CFAP92: variants seen among roughly 807,000 people sequenced by gnomAD.
CFAP92 encodes cilia and flagella associated protein 92 (putative), also known as uncharacterized protein CFAP92.
CFAP92 carries 86 observed loss-of-function variants against 106.3 expected under a neutral mutation model. The observed-to-expected ratio is 0.81, with a 90% CI of 0.68 to 0.97. The LOEUF is 0.97. Ranked by LOEUF, CFAP92 falls within the 50% of genes least tolerant of loss-of-function variation. The pLI is 0.00. For synonymous variants in CFAP92, 477 were observed against 506.4 expected, an observed-to-expected ratio of 0.94 and a Z score of 0.78; for missense variants, 1,204 against 1,283.8, an observed-to-expected ratio of 0.94 and a Z score of 0.95.
In CFAP92 at chr3:128,953,547, G is replaced by A. The variant is rs1215538509; in HGVS notation, c.1354-7572C>T. Among the ~76,000 whole-genome samples the A allele has an allele frequency of 5.8e-5, 8 of 138,830 alleles. No homozygotes were observed. In the East Asian group the frequency reaches 8.7e-4, roughly 15 times the overall value. The allele number at this position is 138,830 out of a possible 152,430, so 91.1% of individuals were successfully genotyped here. ...TAAAAAGAAAGAGGGATAATCACTCGCTTAAGAAGCAGCAACACGGTCTCC... is the reference window on the plus strand; with the variant it reads ...TAAAAAGAAAGAGGGATAATCACTCACTTAAGAAGCAGCAACACGGTCTCC... On this transcript the variant is annotated intron_variant, in intron 9 of 15. Transcript: ENST00000645291.
At chr3:128,946,221 T>G (rs1453924476) in intron 9 of CFAP92, among the ~76,000 whole-genome samples, 2 of 151,970 alleles carry the variant, frequency 1.3e-5, no homozygotes, top group Admixed American at 6.6e-5. Flanking sequence ...CATTCGTTAC[T>G]TATTTTCCTC....
At chr3:128,957,734 A>G (rs1941551665) in intron 9 of CFAP92, among the ~76,000 whole-genome samples, 1 of 152,232 alleles carries the variant, frequency 6.6e-6, no homozygotes, top group African/African-American at 2.4e-5. Context: ...ATGCAAGGCC[A>G]TTATCCTGGA....
chr3:128,978,501 G>A (rs1009301756), intron 4 of CFAP92, among the ~76,000 whole-genome samples: 48 of 152,210 alleles, frequency 3.2e-4, no homozygotes, highest in African/African-American at 1.1e-3. Flanking sequence ...GCTGAATTGG[G>A]AGGACTGCCT....
chr3:128,919,247 AT>A (rs199873384), intron 12 of CFAP92, among the ~76,000 whole-genome samples: 1 of 151,348 alleles, frequency 6.6e-6, no homozygotes, highest in Non-Finnish European at 1.5e-5. Context: ...CCCAGCCTGG[AT>A]TTTTTTTTCA....
rs1943935425 is a variant in CFAP92 at position 128,987,560 on chromosome 3, GTTAC to G, written c.667+52_667+55del. The G allele has an allele frequency of 6.1e-6, 9 of 1,473,110 alleles. No individual in the cohort carries two copies. The African/African-American group carries it at 8.4e-5, about 14-fold the overall frequency. The allele number at this position is 1,473,110 out of a possible 1,614,324, so 91.3% of individuals were successfully genotyped here. The stretch of plus-strand genomic sequence containing the variant: ...ACCAGGAGACACTGGCTTTTATGCT[GTTAC>G]TAGTGAGTAAGCCCCAGGCTTCCAG... On this transcript the variant is annotated intron_variant, in intron 4 of 15. Transcript: ENST00000645291.
chr3:128,913,047 G>A (rs1360288780), intron 15 of CFAP92: 2 of 455,986 alleles, frequency 4.4e-6, no homozygotes, highest in Admixed American at 2.3e-5. Flanking sequence ...TAGAAGCAGA[G>A]GCACTTAAAA....
At chr3:128,982,050 C>T (rs1040826813) in intron 4 of CFAP92, among the ~76,000 whole-genome samples, 1 of 152,180 alleles carries the variant, frequency 6.6e-6, no homozygotes, top group Admixed American at 6.5e-5. Flanking sequence ...CTTTAAGTCA[C>T]CAGCTGCACT....
intron 4 of CFAP92, among the ~76,000 whole-genome samples, chr3:128,978,773 T>C (rs890215933): frequency 1.1e-4 from 16 of 152,150 alleles, no homozygotes; most frequent in African/African-American, 3.9e-4. Context: ...TGAAACTGGA[T>C]CCCTTCCTTA....
At chr3:128,916,332 C>G (rs1936817178) in intron 12 of CFAP92, 61 bp from the exon 13 acceptor site, 1 of 1,102,126 alleles carries the variant, frequency 9.1e-7, no homozygotes, top group African/African-American at 1.6e-5. Context: ...CATGCCAGCT[C>G]ATATGCAGTG....
intron 15 of CFAP92, chr3:128,910,833 G>C: frequency 1.2e-6 from 2 of 1,613,818 alleles, no homozygotes; most frequent in Non-Finnish European, 8.5e-7. Flanking sequence ...ATGTCTTGGG[G>C]GAGGGAAGGA....
intron 9 of CFAP92, among the ~76,000 whole-genome samples, chr3:128,948,587 T>TGG (rs1261787423): frequency 7.0e-6 from 1 of 143,356 alleles, no homozygotes; most frequent in African/African-American, 2.6e-5. Flanking sequence ...TAGAGTACAG[T>TGG]GGCTCAATCT....
chr3:128,983,880 C>T (rs1028195502), intron 4 of CFAP92, among the ~76,000 whole-genome samples: 2 of 152,212 alleles, frequency 1.3e-5, no homozygotes, highest in Non-Finnish European at 2.9e-5. Context: ...TCTCTAAAGG[C>T]CCTGGGGCAG....
chr3:128,913,926 G>A lies in CFAP92; in HGVS notation c.3280+1193C>T, dbSNP rs60151304. Reference sequence around the variant, plus strand: ...GCTGTCAGACCCACCCCCCTTCTGTGCAGCCTTCTGGAAGGGGGCTTCACT... The same window carrying A: ...GCTGTCAGACCCACCCCCCTTCTGTACAGCCTTCTGGAAGGGGGCTTCACT... On this transcript the variant is annotated intron_variant, in intron 15 of 15. Transcript: ENST00000645291. Among the ~76,000 whole-genome samples, 527 of 152,212 alleles carry A rather than the reference G, an allele frequency of 3.5e-3. 4 individuals are homozygous for A. Among genetic ancestry groups the A allele is most frequent in the African/African-American group, 0.012 (514 of 41,528 alleles).
At position 128,977,080 on chromosome 3, in the gene CFAP92, CA is replaced by C. The variant is rs764961611; in HGVS notation, c.809-15del. ...CTTGGTGAGAACCTGAAAACAGTAG[CA>C]AATATTTCCAAGCTTTTTGTTACAT... On this transcript the variant is annotated splice_polypyrimidine_tract_variant and intron_variant, in intron 5 of 15. Coordinates refer to ENST00000645291, the MANE Select transcript of CFAP92 (RefSeq NM_001394090.1). The C allele has an allele frequency of 7.5e-6, 12 of 1,607,438 alleles. No homozygotes were observed. The highest frequency in any genetic ancestry group is 2.6e-6 in the Non-Finnish European group (3 of 1,174,282).
At chr3:128,991,805 A>G in intron 2 of CFAP92, 1 of 989,416 alleles carries the variant, frequency 1.0e-6, no homozygotes, top group Non-Finnish European at 1.2e-6. Flanking sequence ...ACAGAATACC[A>G]GGAGAAGTTG....
intron 4 of CFAP92, among the ~76,000 whole-genome samples, chr3:128,984,125 G>A (rs1431241443): frequency 6.6e-6 from 1 of 152,192 alleles, no homozygotes; most frequent in Admixed American, 6.5e-5. Context: ...TGACTGGGGG[G>A]CTTTGAAAAG....
chr3:128,982,936 G>A (rs1330310418), intron 4 of CFAP92, among the ~76,000 whole-genome samples: 1 of 152,084 alleles, frequency 6.6e-6, no homozygotes, highest in Non-Finnish European at 1.5e-5. Flanking sequence ...ATCACAGATC[G>A]CAGATCACCA....
At chr3:128,937,541 G>A (rs961014965) in intron 10 of CFAP92, among the ~76,000 whole-genome samples, 1 of 151,880 alleles carries the variant, frequency 6.6e-6, no homozygotes, top group East Asian at 1.9e-4. Context: ...CGGAGCTTGC[G>A]GTGGGTGAGC....
chr3:128,934,528 T>TTTTG (rs947093430), intron 11 of CFAP92, among the ~76,000 whole-genome samples: 2 of 151,430 alleles, frequency 1.3e-5, no homozygotes, highest in Non-Finnish European at 2.9e-5. Context: ...CTGTTTTTGC[T>TTTTG]TTTGTTTGTT....
Sources: gnomAD v4.1 joint callset for allele counts (sites outside exome capture counted in the v4.1 genomes callset) on GRCh38, gnomAD v4.1.1 for gene constraint, MANE v1.5 for transcripts, NCBI Gene and HGNC (gene_info 2026-07-23, HGNC 2026-07-21) for gene names.